LGI1: variants seen among roughly 807,000 people sequenced by gnomAD.
LGI1 encodes the protein leucine rich glioma inactivated 1, also known as leucine-rich glioma-inactivated protein 1.
In LGI1, 11 loss-of-function variants were observed where a neutral mutation model predicts 57.7. The observed-to-expected ratio is 0.19, with a 90% CI of 0.12 to 0.32. The LOEUF (loss-of-function observed/expected upper bound fraction) is 0.32. LGI1 is among the 10% of genes least tolerant of loss of function. LGI1 has a pLI of 1.00. For missense variants in LGI1, 422 were observed against 661.9 expected (o/e 0.64, Z 3.98); for synonymous variants, 222 against 241.9 (o/e 0.92, Z 0.76).
rs1184378845 is a variant in LGI1, at chr10:93,792,824, T to C, written c.585T>C (p.Val195=). 1.2e-6 allele frequency: 2 copies of C among 1,614,102 alleles called. No homozygotes were observed. The highest frequency in any genetic ancestry group is 1.7e-6 in the Non-Finnish European group (2 of 1,180,008). The change falls in exon 6 of 8, where the codon GTT becomes GTC. Residue 195 remains valine (V), a synonymous_variant. Transcript: ENST00000371418. ...GGCTTGGCCACACCAATGCAACTGT[T>C]GAAGACATCTACTGCGAAGGCCCCC... ...VEWLGHTNAT[V]EDIYCEGPPE...
chr10:93,791,972 A>T (rs2059941050), intron 5 of LGI1: 1 of 152,240 alleles, frequency 6.6e-6, no homozygotes, highest in South Asian at 2.1e-4. Context: ...TGTCCTTTAG[A>T]CCTGTGCTGT....
intron 2 of LGI1, among the ~76,000 whole-genome samples, chr10:93,760,868 G>A (rs184517180): frequency 2.2e-4 from 34 of 152,230 alleles, no homozygotes; most frequent in Admixed American, 4.6e-4. Flanking sequence ...AACAAAAGGC[G>A]AGTAATTCTC....
Position 93,792,718 on chromosome 10 carries a change from A to G in LGI1, c.504-25A>G, listed in dbSNP as rs200521081. On this transcript the variant is annotated intron_variant, in intron 5 of 7. Coordinates refer to ENST00000371418, the MANE Select transcript of LGI1 (RefSeq NM_005097.4). The stretch of plus-strand genomic sequence containing the variant: ...GCGTGGGTAGGGCCCTTGTACAGCA[A>G]AAGCAGCTGAAGTTTGTCTTTCAGG... The G allele has an allele frequency of 1.5e-4, 246 of 1,613,312 alleles. 1 individual carries two copies. The African/African-American group carries it at 2.9e-3, about 19-fold the overall frequency.
intron 2 of LGI1, among the ~76,000 whole-genome samples, chr10:93,773,505 A>C (rs546891411): frequency 6.6e-6 from 1 of 152,360 alleles, no homozygotes; most frequent in East Asian, 1.9e-4. Flanking sequence ...AAATCCAGGC[A>C]GGAGTCTATG....
rs587780379 is a variant in LGI1 at position 93,792,758 on chromosome 10, T to C, written c.519T>C (p.Asn173=). The change falls in exon 6 of 8, where the codon AAT becomes AAC. Residue 173 remains asparagine (N), a synonymous_variant. Coordinates refer to ENST00000371418, the MANE Select transcript of LGI1 (RefSeq NM_005097.4). Reference sequence around the variant, plus strand: ...TGTCTTTCAGGGACCTGAGGGGTAATTCATTTAATTGTGACTGTAAACTGA... The same window carrying C: ...TGTCTTTCAGGGACCTGAGGGGTAACTCATTTAATTGTGACTGTAAACTGA... ...DSLTNVDLRG[N]SFNCDCKLKW... The C allele has an allele frequency of 4.3e-6, 7 of 1,614,066 alleles. No homozygotes were observed. Among genetic ancestry groups the C allele is most frequent in the Admixed American group, 1.7e-5 (1 of 60,000 alleles).
intron 4 of LGI1, among the ~76,000 whole-genome samples, chr10:93,780,930 C>T (rs958929746): frequency 9.9e-5 from 15 of 152,158 alleles, no homozygotes; most frequent in Non-Finnish European, 1.8e-4. Context: ...CCACTCTGGC[C>T]TAACATTAAA....
intron 4 of LGI1, chr10:93,780,355 T>G (rs981598793): frequency 6.6e-6 from 1 of 152,220 alleles, no homozygotes; most frequent in South Asian, 2.1e-4. Flanking sequence ...CATTTTCCAT[T>G]ATTTATGGCG....
At chr10:93,759,078 G>A in intron 2 of LGI1, 1 of 520,252 alleles carries the variant, frequency 1.9e-6, no homozygotes, top group Non-Finnish European at 3.4e-6. Flanking sequence ...GAAGTTGTTG[G>A]AATCTTGCAA....
At position 93,777,374 on chromosome 10, in the gene LGI1, G is replaced by A. The variant is rs2059804112; in HGVS notation, c.288-5G>A. The A allele has an allele frequency of 3.1e-6, 5 of 1,613,168 alleles. No homozygotes were observed. Among genetic ancestry groups the A allele is most frequent in the Non-Finnish European group, 4.2e-6 (5 of 1,179,318 alleles). On this transcript the variant is annotated splice_polypyrimidine_tract_variant and splice_region_variant and intron_variant, in intron 2 of 7. Coordinates refer to ENST00000371418, the MANE Select transcript of LGI1 (RefSeq NM_005097.4). The stretch of plus-strand genomic sequence containing the variant: ...CCATTTTCATTGTGTACTTTTTCTG[G>A]GCAGGTTATTCACATCGAACTCCTT...
chr10:93,793,378 T>C, intron 7 of LGI1, 28 bp downstream of exon 7: 1 of 1,604,350 alleles, frequency 6.2e-7, no homozygotes, highest in South Asian at 1.1e-5. Flanking sequence ...ATATTTTGAG[T>C]GGTAATTTAA....
At chr10:93,772,348 A>G (rs2059749571) in intron 2 of LGI1, among the ~76,000 whole-genome samples, 1 of 152,202 alleles carries the variant, frequency 6.6e-6, no homozygotes, top group African/African-American at 2.4e-5. Context: ...ATAATCTAAT[A>G]ATGGTACTTT....
At chr10:93,764,536 T>C (rs2059654574) in intron 2 of LGI1, 1 of 152,156 alleles carries the variant, frequency 6.6e-6, no homozygotes, top group African/African-American at 2.4e-5. Context: ...TCAGCTGTAA[T>C]ATCAAAACAG....
rs777973395 is a variant in LGI1, at chr10:93,758,190, C to G, written c.46C>G (p.Leu16Val). 7.4e-6 allele frequency: 12 copies of G among 1,614,058 alleles called. No individual in the cohort carries two copies. In the Admixed American group the frequency reaches 2.0e-4, roughly 27 times the overall value. The part of the protein sequence containing the change: ...SKRMGNACIP[L>V]KRIAYFLCLL... ...AAGGATGGGAAATGCCTGCATTCCC[C>G]TGAAAAGAATTGCTTATTTCCTATG... Residue 16 changes from leucine (L) to valine (V), a missense_variant, in exon 1 of 8, where the codon CTG becomes GTG. Leu to Val is a conservative substitution (Grantham distance 32, BLOSUM62 1). Coordinates refer to ENST00000371418, the MANE Select transcript of LGI1 (RefSeq NM_005097.4). The surrounding 1 kb of genome is among the most constrained non-coding windows in gnomAD (Gnocchi z 4.7).
In LGI1 at chr10:93,797,577, A is replaced by G. The variant is rs755642406; in HGVS notation, c.1448A>G (p.Gln483Arg). Residue 483 changes from glutamine to arginine, a missense_variant, in exon 8 of 8, where the codon CAA becomes CGA. Physicochemically the swap from Gln to Arg is conservative, Grantham distance 43. Around this residue, in one of 3 missense-constraint regions of LGI1, gnomAD observed 301 missense variants for 461.7 expected, o/e 0.65. Coordinates refer to ENST00000371418, the MANE Select transcript of LGI1 (RefSeq NM_005097.4). This position sits in a 1 kb window ranked among gnomAD's most constrained non-coding sequence, Gnocchi z 6.5. ...GGATCCATGGTGTTCCAGCCTCTTC[A>G]AATAAATAATTACCAATATGCAATT... Reference protein sequence around the residue: ...SRGSMVFQPLQINNYQYAILG... With the variant: ...SRGSMVFQPLRINNYQYAILG... The G allele has an allele frequency of 1.2e-6, 2 of 1,614,148 alleles. No individual in the cohort carries two copies. Among genetic ancestry groups the G allele is most frequent in the South Asian group, 1.1e-5 (1 of 91,086 alleles).
intron 4 of LGI1, among the ~76,000 whole-genome samples, chr10:93,781,839 C>T (rs2059850306): frequency 6.6e-6 from 1 of 152,146 alleles, no homozygotes; most frequent in African/African-American, 2.4e-5. Flanking sequence ...CCAGTGGAGC[C>T]AGCATTGTTT....
At chr10:93,783,672 C>T (rs1183092157) in intron 4 of LGI1, among the ~76,000 whole-genome samples, 5 of 152,250 alleles carry the variant, frequency 3.3e-5, no homozygotes, top group East Asian at 1.9e-4. Flanking sequence ...GATATGTACG[C>T]GTCCTCTCGT....
At chr10:93,780,731 T>C (rs1039659641) in intron 4 of LGI1, among the ~76,000 whole-genome samples, 2 of 152,244 alleles carry the variant, frequency 1.3e-5, no homozygotes, top group African/African-American at 2.4e-5. Flanking sequence ...CTACGTCCAC[T>C]GTGCCAGTTA....
At chr10:93,796,896 C>A in intron 7 of LGI1, 72 bp from the exon 8 acceptor site, 1 of 1,244,470 alleles carries the variant, frequency 8.0e-7, no homozygotes, top group African/African-American at 1.5e-5. Flanking sequence ...AGTTGTATGG[C>A]CCCAGCCCGC....
At chr10:93,763,491 A>G (rs760363558) in intron 2 of LGI1, 1 of 152,212 alleles carries the variant, frequency 6.6e-6, no homozygotes, top group Non-Finnish European at 1.5e-5. Context: ...AAACCCAGAC[A>G]TGTTTTCCCA....
Sources: allele counts gnomAD v4.1 joint callset (sites outside exome capture counted in the v4.1 genomes callset), GRCh38; gene constraint gnomAD v4.1.1; regional missense constraint gnomAD v4.1.1; non-coding constraint Gnocchi (gnomAD v3.1); transcripts MANE v1.5; gene names NCBI Gene and HGNC (gene_info 2026-07-23, HGNC 2026-07-21).